SEMA3D: variants seen among roughly 807,000 people sequenced by gnomAD.
SEMA3D encodes semaphorin 3D.
A neutral mutation model predicts 100.1 loss-of-function variants in SEMA3D; 84 were observed. That is an observed-to-expected ratio of 0.84 (90% CI 0.70 to 1.01). SEMA3D has a LOEUF of 1.01. Among genes scored for constraint, SEMA3D ranks in the 50% least tolerant of loss-of-function variants. The pLI, the probability that SEMA3D is intolerant of heterozygous loss-of-function variation, is 0.00. For synonymous variants in SEMA3D, 312 were observed against 320.7 expected (o/e 0.97, Z 0.29); for missense variants, 875 against 934.1 (o/e 0.94, Z 0.82).
intron 1 of SEMA3D, among the ~76,000 whole-genome samples, chr7:85,169,658 A>G (rs1171124942): frequency 6.6e-6 from 1 of 151,860 alleles, no homozygotes; most frequent in Non-Finnish European, 1.5e-5. Context: ...TCTAACAAAA[A>G]TTGGAAAAGA....
In SEMA3D at chr7:84,996,367, G is replaced by A. The variant is rs1435857738; in HGVS notation, c.*3073C>T. 6.6e-6 allele frequency: 1 copy of A among 151,978 alleles called. No individual in the cohort carries two copies. Among genetic ancestry groups the A allele is most frequent in the African/African-American group, 2.4e-5 (1 of 41,442 alleles). 9.4% of individuals were successfully genotyped at this position (151,978 alleles called of 1,614,324 possible). ...AAGACCATTTTGTAGCCAGCATATT[G>A]TAAAGAGCATTATTTTAGCCAACAG... On this transcript the variant is annotated 3_prime_UTR_variant, in exon 19 of 19. Transcript: ENST00000284136.
chr7:85,247,347 A>C, the SEMA3D span, among the ~76,000 whole-genome samples: 1 of 152,070 alleles, frequency 6.6e-6, no homozygotes, highest in East Asian at 1.9e-4. Context: ...GGGTAATTCA[A>C]ACTTACATGT....
rs539021018 is a variant in SEMA3D at position 85,131,325 on chromosome 7, ATAGT to A, written c.-40-9398_-40-9395del. 3.3e-5 allele frequency among the ~76,000 whole-genome samples: 5 copies of A among 152,236 alleles called. No individual in the cohort carries two copies. In the South Asian group the frequency reaches 8.3e-4, roughly 25 times the overall value. Reference sequence around the variant, plus strand: ...AAGCAAGCAAATAAATTCCATTTGTATAGTTTAAACGGGGAGAATGAAAGTGATG... The same window carrying A: ...AAGCAAGCAAATAAATTCCATTTGTATTAAACGGGGAGAATGAAAGTGATG... On this transcript the variant is annotated intron_variant, in intron 2 of 18. Coordinates refer to ENST00000284136, the MANE Select transcript of SEMA3D (RefSeq NM_001384900.1).
chr7:85,117,061 A>C (rs919657147), intron 3 of SEMA3D, among the ~76,000 whole-genome samples: 5 of 152,174 alleles, frequency 3.3e-5, no homozygotes, highest in African/African-American at 9.7e-5. Flanking sequence ...CTCATGTTGC[A>C]ACCAATAGAA....
chr7:85,187,503 A>G (rs1033533992), upstream of SEMA3D, among the ~76,000 whole-genome samples: 2 of 152,126 alleles, frequency 1.3e-5, no homozygotes, highest in Non-Finnish European at 2.9e-5. Flanking sequence ...ACAGGGATCA[A>G]CCCTCCGTTA....
intron 5 of SEMA3D, among the ~76,000 whole-genome samples, chr7:85,075,637 A>G (rs1791901431): frequency 6.6e-6 from 1 of 152,174 alleles, no homozygotes; most frequent in African/African-American, 2.4e-5. Flanking sequence ...ATCTTGAATT[A>G]TCTGACACAG....
chr7:85,125,427 C>A (rs62462174), intron 2 of SEMA3D, among the ~76,000 whole-genome samples: 83,568 of 151,710 alleles, frequency 0.55, 24,199 homozygotes, highest in African/African-American at 0.74. Flanking sequence ...TTGGTTTTCA[C>A]TGAACAGTAG....
rs1381465996 is a variant in SEMA3D at position 85,183,032 on chromosome 7, C to T, written c.-173+3646G>A. ...AAGTTCAGAGTCAACATTTGCTTTT[C>T]CAAAATAATGAAGTTATAACAAACA... On this transcript the variant is annotated intron_variant, in intron 1 of 18. Transcript: ENST00000284136. 3.3e-5 allele frequency among the ~76,000 whole-genome samples: 5 copies of T among 152,108 alleles called. No homozygotes were observed. The East Asian group carries it at 5.8e-4, about 18-fold the overall frequency.
chr7:85,013,569 T>C (rs1790017694), intron 16 of SEMA3D, among the ~76,000 whole-genome samples: 1 of 151,766 alleles, frequency 6.6e-6, no homozygotes, highest in Non-Finnish European at 1.5e-5. Flanking sequence ...CATACTTTCA[T>C]TTGCTTTGGC....
chr7:85,053,881 C>CAAT (rs1791235698), intron 9 of SEMA3D, among the ~76,000 whole-genome samples: 1 of 151,684 alleles, frequency 6.6e-6, no homozygotes, highest in African/African-American at 2.4e-5. Flanking sequence ...TAACCAAGAA[C>CAAT]AATAGCATGA....
In SEMA3D at chr7:85,121,872, T is replaced by C. The variant is rs1789425609; in HGVS notation, c.20A>G (p.Glu7Gly). Residue 7 changes from glutamate (E) to glycine (G), a missense_variant, in exon 3 of 19, where the codon GAA becomes GGA. Glu to Gly is a moderately conservative substitution (Grantham distance 98, BLOSUM62 -2). Coordinates refer to ENST00000284136, the MANE Select transcript of SEMA3D (RefSeq NM_001384900.1). MNANKD[E>G]RLKARSQDFH... is the part of the protein sequence containing the mutation. Reference sequence around the variant, plus strand: ...ATCTTGGCTTCTGGCTTTAAGTCTTTCATCTTTATTAGCATTCATGATGAA... The same window carrying C: ...ATCTTGGCTTCTGGCTTTAAGTCTTCCATCTTTATTAGCATTCATGATGAA... The C allele has an allele frequency of 6.3e-7, 1 of 1,587,672 alleles. No individual in the cohort carries two copies. The highest frequency in any genetic ancestry group is 8.6e-7 in the Non-Finnish European group (1 of 1,159,930).
the SEMA3D span, among the ~76,000 whole-genome samples, chr7:85,216,827 T>C: frequency 2.0e-5 from 3 of 151,984 alleles, no homozygotes; most frequent in African/African-American, 7.2e-5. Flanking sequence ...TAAATAAATA[T>C]TTAGTTTTGT....
At chr7:85,013,276 C>T (rs192217414) in intron 16 of SEMA3D, among the ~76,000 whole-genome samples, 1 of 151,606 alleles carries the variant, frequency 6.6e-6, no homozygotes, top group Non-Finnish European at 1.5e-5. Context: ...AAATACAAAA[C>T]ACCTTGTCAT....
intron 3 of SEMA3D, among the ~76,000 whole-genome samples, chr7:85,113,513 C>A (rs1229891467): frequency 6.6e-6 from 1 of 151,542 alleles, no homozygotes; most frequent in Non-Finnish European, 1.5e-5. Context: ...TGGTTCATGC[C>A]TGTAATCCCA....
chr7:85,204,476 C>A, the SEMA3D span, among the ~76,000 whole-genome samples: 26 of 152,070 alleles, frequency 1.7e-4, no homozygotes, highest in Admixed American at 1.7e-3. Context: ...GTCCTCCAGG[C>A]CCAACCCAGT....
upstream of SEMA3D, among the ~76,000 whole-genome samples, chr7:85,191,485 A>G (rs1044318484): frequency 6.6e-6 from 1 of 152,162 alleles, no homozygotes; most frequent in Non-Finnish European, 1.5e-5. Flanking sequence ...TATTCTTCTA[A>G]GAAAATGAGG....
chr7:85,062,160 C>T (rs993334448), intron 8 of SEMA3D, among the ~76,000 whole-genome samples: 2 of 152,170 alleles, frequency 1.3e-5, no homozygotes, highest in Non-Finnish European at 2.9e-5. Flanking sequence ...AGCTGTTTAA[C>T]TATGAACTAT....
At chr7:85,203,618 C>T in the SEMA3D span, among the ~76,000 whole-genome samples, 2 of 152,090 alleles carry the variant, frequency 1.3e-5, no homozygotes, top group African/African-American at 2.4e-5. Context: ...TGTGAAGCAA[C>T]TCCTGATGTG....
chr7:85,157,967 C>T (rs1790644976), intron 1 of SEMA3D, among the ~76,000 whole-genome samples: 1 of 152,158 alleles, frequency 6.6e-6, no homozygotes, highest in African/African-American at 2.4e-5. Flanking sequence ...ATTTCATGGA[C>T]ATTTATCACT....
Sources: gnomAD v4.1 joint callset for allele counts (sites outside exome capture counted in the v4.1 genomes callset) on GRCh38, gnomAD v4.1.1 for gene constraint, MANE v1.5 for transcripts, NCBI Gene and HGNC (gene_info 2026-07-23, HGNC 2026-07-21) for gene names.